Variants in CUX2 observed in about 807,000 individuals in gnomAD.
The protein encoded by CUX2 is cut like homeobox 2.
Under a neutral mutation model 144.8 loss-of-function variants are expected in CUX2, and 40 were observed. The ratio of observed to expected loss-of-function variants is 0.28; its 90% confidence interval spans 0.21 to 0.36. The LOEUF (loss-of-function observed/expected upper bound fraction) is 0.36, where lower values mean the gene tolerates loss of function less well. Ranked by LOEUF, CUX2 falls within the 10% of genes least tolerant of loss-of-function variation. The pLI, the probability that CUX2 is intolerant of heterozygous loss-of-function variation, is 1.00. For synonymous variants in CUX2, 827 were observed against 875.6 expected (o/e 0.94, Z 0.98); for missense variants, 1,615 against 1,994.0 (o/e 0.81, Z 3.62).
intron 1 of CUX2, among the ~76,000 whole-genome samples, chr12:111,130,044 A>G (rs1166247373): frequency 6.6e-6 from 1 of 152,152 alleles, no homozygotes; most frequent in East Asian, 1.9e-4. Context: ...TCCAGTAGTG[A>G]CTGAATGTTC....
At chr12:111,175,079 A>G (rs1433763837) in intron 1 of CUX2, among the ~76,000 whole-genome samples, 2 of 152,210 alleles carry the variant, frequency 1.3e-5, no homozygotes, top group African/African-American at 4.8e-5. Context: ...GAATCAGTCT[A>G]TAATGCAATC....
intron 16 of CUX2, among the ~76,000 whole-genome samples, chr12:111,319,466 C>CTG (rs1259259572): frequency 6.6e-6 from 1 of 151,884 alleles, no homozygotes; most frequent in Non-Finnish European, 1.5e-5. Context: ...AGGCCGGGCA[C>CTG]TGTGGTTCAT....
intron 16 of CUX2, among the ~76,000 whole-genome samples, chr12:111,315,652 G>C (rs983668239): frequency 2.0e-5 from 3 of 152,172 alleles, no homozygotes; most frequent in African/African-American, 4.8e-5. Flanking sequence ...CTGGAAAGCA[G>C]AGGTTGCAGT....
intron 1 of CUX2, among the ~76,000 whole-genome samples, chr12:111,206,191 G>A (rs1056006305): frequency 1.3e-5 from 2 of 152,154 alleles, no homozygotes; most frequent in Non-Finnish European, 2.9e-5. Context: ...AATTAGCTGG[G>A]TGTGGTGGTT....
At chr12:111,136,025 G>A (rs1248335808) in intron 1 of CUX2, among the ~76,000 whole-genome samples, 1 of 152,128 alleles carries the variant, frequency 6.6e-6, no homozygotes, top group Non-Finnish European at 1.5e-5. Context: ...TGGGTGCGGG[G>A]CCCGGGTGAG....
intron 1 of CUX2, among the ~76,000 whole-genome samples, chr12:111,064,296 T>C (rs557735830): frequency 2.0e-5 from 3 of 152,340 alleles, no homozygotes; most frequent in African/African-American, 7.2e-5. Context: ...CACCTGCTAA[T>C]TGTGGGATTT....
At chr12:111,335,087 C>T (rs1888289444) in intron 19 of CUX2, among the ~76,000 whole-genome samples, 1 of 151,520 alleles carries the variant, frequency 6.6e-6, no homozygotes, top group African/African-American at 2.4e-5. Context: ...AGAGCAAGAC[C>T]TTGTCTATAA....
At chr12:111,127,446 GT>G (rs144968984) in intron 1 of CUX2, among the ~76,000 whole-genome samples, 2,251 of 152,292 alleles carry the variant, frequency 0.015, 52 homozygotes, top group African/African-American at 0.05. Flanking sequence ...TGGCCTAGTT[GT>G]CCAGTGACCC....
intron 14 of CUX2, among the ~76,000 whole-genome samples, chr12:111,308,778 C>G (rs1191672764): frequency 6.6e-6 from 1 of 152,194 alleles, no homozygotes; most frequent in African/African-American, 2.4e-5. Context: ...CCCCACTGAG[C>G]CTTCTTGAGC....
chr12:111,072,306 G>A (rs1322238928), intron 1 of CUX2, among the ~76,000 whole-genome samples: 1 of 152,198 alleles, frequency 6.6e-6, no homozygotes, highest in South Asian at 2.1e-4. Flanking sequence ...GAGTTTTGTA[G>A]TTTTACTCAT....
In CUX2 at chr12:111,039,775, A is replaced by G. The variant is rs1592841708; in HGVS notation, c.63+5535A>G. On this transcript the variant is annotated intron_variant, in intron 1 of 21. Transcript: ENST00000261726. The surrounding 1 kb of genome is among the most constrained non-coding windows in gnomAD (Gnocchi z 4.2). ...TTGAAGTCCTGACCTCAAATGATCCACCAGCCTCGGCCTCTTAAAGTGCTG... is the reference window on the plus strand; with the variant it reads ...TTGAAGTCCTGACCTCAAATGATCCGCCAGCCTCGGCCTCTTAAAGTGCTG... Among the ~76,000 whole-genome samples the G allele has an allele frequency of 1.3e-5, 2 of 152,114 alleles. No homozygotes were observed. The highest frequency in any genetic ancestry group is 2.9e-5 in the Non-Finnish European group (2 of 68,024).
chr12:111,098,704 C>A (rs1270417586), intron 1 of CUX2, among the ~76,000 whole-genome samples: 1 of 152,198 alleles, frequency 6.6e-6, no homozygotes, highest in Non-Finnish European at 1.5e-5. Flanking sequence ...GAGCAGGAAG[C>A]CAACGTCACC....
chr12:111,288,911 C>T (rs1385172630), intron 4 of CUX2, among the ~76,000 whole-genome samples: 2 of 151,622 alleles, frequency 1.3e-5, no homozygotes, highest in Admixed American at 1.3e-4. Context: ...TACAGTGAGC[C>T]GAGATCGTCT....
intron 4 of CUX2, among the ~76,000 whole-genome samples, chr12:111,264,266 AG>A (rs1273887535): frequency 6.6e-6 from 1 of 152,228 alleles, no homozygotes; most frequent in Admixed American, 6.5e-5. Context: ...GTTGAGTAAA[AG>A]CCAGCCCCAG....
chr12:111,169,539 C>G (rs1314569522), intron 1 of CUX2, among the ~76,000 whole-genome samples: 1 of 152,154 alleles, frequency 6.6e-6, no homozygotes, highest in Non-Finnish European at 1.5e-5. Flanking sequence ...CCACCCTCAG[C>G]GGGTCGGCCT....
intron 1 of CUX2, among the ~76,000 whole-genome samples, chr12:111,174,631 A>G (rs536092033): frequency 6.6e-6 from 1 of 152,228 alleles, no homozygotes; most frequent in South Asian, 2.1e-4. Context: ...AGAGGGGGAA[A>G]ACTGAGATTC....
intron 1 of CUX2, among the ~76,000 whole-genome samples, chr12:111,197,752 G>C (rs1291471874): frequency 6.6e-6 from 1 of 152,222 alleles, no homozygotes; most frequent in African/African-American, 2.4e-5. Context: ...AATGGGTGAG[G>C]CTTGGCCAGG....
In CUX2 at chr12:111,289,521, C is replaced by T. The variant is rs544144695; in HGVS notation, c.302-1897C>T. 6.6e-6 allele frequency among the ~76,000 whole-genome samples: 1 copy of T among 152,206 alleles called. No homozygotes were observed. The highest frequency in any genetic ancestry group is 1.9e-4 in the East Asian group (1 of 5,172). On this transcript the variant is annotated intron_variant, in intron 4 of 21. Coordinates refer to ENST00000261726, the MANE Select transcript of CUX2 (RefSeq NM_015267.4). This position sits in a 1 kb window ranked among gnomAD's most constrained non-coding sequence, Gnocchi z 4.1. ...GTGCCAACACACCTCTGAGATGATCCACATTTCTTAGTCCCTGCCCTAGAT... is the reference window on the plus strand; with the variant it reads ...GTGCCAACACACCTCTGAGATGATCTACATTTCTTAGTCCCTGCCCTAGAT...
chr12:111,055,434 A>G (rs1264241235), intron 1 of CUX2, among the ~76,000 whole-genome samples: 1 of 152,194 alleles, frequency 6.6e-6, no homozygotes, highest in Admixed American at 6.5e-5. Flanking sequence ...CCCTCGGAGG[A>G]TATCCTCTTC....
Sources: allele counts gnomAD v4.1 joint callset (sites outside exome capture counted in the v4.1 genomes callset), GRCh38; gene constraint gnomAD v4.1.1; non-coding constraint Gnocchi (gnomAD v3.1); transcripts MANE v1.5; gene names NCBI Gene and HGNC (gene_info 2026-07-23, HGNC 2026-07-21).